Variants in CUX2 observed in about 807,000 individuals in gnomAD.
CUX2 encodes the protein cut like homeobox 2.
Under a neutral mutation model 144.8 loss-of-function variants are expected in CUX2, and 40 were observed. The ratio of observed to expected loss-of-function variants is 0.28; its 90% confidence interval spans 0.21 to 0.36. CUX2 has a LOEUF of 0.36. Among genes scored for constraint, CUX2 ranks in the 10% least tolerant of loss-of-function variants. The pLI is 1.00. For synonymous variants in CUX2, 827 were observed against 875.6 expected (o/e 0.94, Z 0.98); for missense variants, 1,615 against 1,994.0 (o/e 0.81, Z 3.62).
At chr12:111,260,833 A>G (rs1020399209) in intron 3 of CUX2, among the ~76,000 whole-genome samples, 1 of 152,244 alleles carries the variant, frequency 6.6e-6, no homozygotes, top group Non-Finnish European at 1.5e-5. Flanking sequence ...ATTGGAGGCC[A>G]GTGCCTTTCC....
chr12:111,339,817 G>A (rs1406536576), intron 20 of CUX2, among the ~76,000 whole-genome samples: 2 of 152,206 alleles, frequency 1.3e-5, no homozygotes, highest in African/African-American at 4.8e-5. Context: ...CTGTGGTTGA[G>A]AACTTGACCT....
Position 111,156,851 on chromosome 12 carries a change from C to T in CUX2, c.64-57349C>T, listed in dbSNP as rs145956268. ...AATTAGCCAGGAGTGGTGGCGCATG[C>T]CTGTAATCCCTGTAATCCCAGCTAC... On this transcript the variant is annotated intron_variant, in intron 1 of 21. Coordinates refer to ENST00000261726, the MANE Select transcript of CUX2 (RefSeq NM_015267.4). Among the ~76,000 whole-genome samples the T allele has an allele frequency of 8.5e-3, 1,295 of 151,770 alleles. 10 individuals are homozygous for T. The highest frequency in any genetic ancestry group is 0.011 in the Non-Finnish European group (728 of 67,904).
chr12:111,336,506 C>T (rs1160513733), intron 19 of CUX2, among the ~76,000 whole-genome samples: 2 of 151,358 alleles, frequency 1.3e-5, no homozygotes, highest in African/African-American at 2.4e-5. Context: ...GGAGTGCAGT[C>T]GTACGATCTC....
chr12:111,199,384 C>G (rs1016972497), intron 1 of CUX2, among the ~76,000 whole-genome samples: 2 of 152,190 alleles, frequency 1.3e-5, no homozygotes, highest in Admixed American at 6.5e-5. Context: ...CCCCATCTCT[C>G]TAGCTGAAAT....
At chr12:111,223,177 A>G (rs879806541) in intron 3 of CUX2, among the ~76,000 whole-genome samples, 1 of 152,146 alleles carries the variant, frequency 6.6e-6, no homozygotes, top group Non-Finnish European at 1.5e-5. Context: ...AGATCCAAAG[A>G]TGGTGAGACA....
chr12:111,105,864 CTTTT>C (rs1198818010), intron 1 of CUX2, among the ~76,000 whole-genome samples: 5 of 132,350 alleles, frequency 3.8e-5, no homozygotes, highest in Admixed American at 7.6e-5. Flanking sequence ...AATAATGAGT[CTTTT>C]TTTTTTTTTT....
chr12:111,262,454 T>C (rs920874634), intron 3 of CUX2, among the ~76,000 whole-genome samples: 29 of 151,202 alleles, frequency 1.9e-4, no homozygotes, highest in African/African-American at 6.6e-4. Context: ...TCATAGCTCA[T>C]GGCAGCCTCG....
intron 1 of CUX2, among the ~76,000 whole-genome samples, chr12:111,185,680 A>G (rs1255784642): frequency 6.6e-6 from 1 of 152,186 alleles, no homozygotes; most frequent in Non-Finnish European, 1.5e-5. Context: ...CACTCAGTGC[A>G]GCCCCTGAGC....
chr12:111,138,757 C>G (rs914594137), intron 1 of CUX2, among the ~76,000 whole-genome samples: 1 of 152,058 alleles, frequency 6.6e-6, no homozygotes, highest in Admixed American at 6.6e-5. Flanking sequence ...GATGTTCCAT[C>G]CCATCCCACC....
chr12:111,125,559 G>C (rs1361840654), intron 1 of CUX2, among the ~76,000 whole-genome samples: 1 of 152,176 alleles, frequency 6.6e-6, no homozygotes, highest in African/African-American at 2.4e-5. Context: ...ATCCATGTTG[G>C]CACATGGATC....
chr12:111,229,625 G>A (rs1223162640), intron 3 of CUX2, among the ~76,000 whole-genome samples: 1 of 152,114 alleles, frequency 6.6e-6, no homozygotes, highest in African/African-American at 2.4e-5. Flanking sequence ...TGCCTGGCTG[G>A]GTATGGTGGC....
intron 4 of CUX2, among the ~76,000 whole-genome samples, chr12:111,264,516 C>T (rs1049727170): frequency 9.2e-5 from 14 of 152,148 alleles, no homozygotes; most frequent in African/African-American, 3.1e-4. Context: ...GGGCCGATCA[C>T]CTGAGGTCAG....
intron 1 of CUX2, among the ~76,000 whole-genome samples, chr12:111,066,896 T>A (rs1256299762): frequency 6.6e-6 from 1 of 152,150 alleles, no homozygotes; most frequent in Non-Finnish European, 1.5e-5. Context: ...CTGTTAAGGA[T>A]CCAGTGAGAT....
chr12:111,121,388 T>C lies in CUX2; in HGVS notation c.63+87148T>C, dbSNP rs866723013. On this transcript the variant is annotated intron_variant, in intron 1 of 21. Transcript: ENST00000261726. ...TTTTTTCTTTTTTTTTTTTTTTTTT[T>C]TTTTTTGAGACGGATTCTTGCTCTA... Among the ~76,000 whole-genome samples, 923 of 138,176 alleles carry C rather than the reference T, an allele frequency of 6.7e-3. 13 individuals are homozygous for C. Among genetic ancestry groups the C allele is most frequent in the African/African-American group, 0.024 (862 of 36,290 alleles). The allele number at this position is 138,176 out of a possible 152,430, so 90.6% of individuals were successfully genotyped here. A position where few individuals can be genotyped will look rare whatever the true frequency, so the allele number is the denominator to read the frequency against.
At position 111,347,843 on chromosome 12, in the gene CUX2, C is replaced by T. The variant is rs1427959865; in HGVS notation, c.3979C>T (p.Pro1327Ser). 8 of 1,613,900 alleles carry T rather than the reference C, an allele frequency of 5.0e-6. No homozygotes were observed. The South Asian group carries it at 7.7e-5, about 16-fold the overall frequency. The change falls in exon 22 of 22, where the codon CCC becomes TCC. Residue 1327 changes from proline to serine, a missense_variant. Pro to Ser is a moderately conservative substitution (Grantham distance 74). Around this residue, in one of 12 missense-constraint regions of CUX2, gnomAD observed 298 missense variants for 330.4 expected, o/e 0.90. Coordinates refer to ENST00000261726, the MANE Select transcript of CUX2 (RefSeq NM_015267.4). ...AGGGGAGCTGGACAAAGGCCAAGGT[C>T]CCCCCAAAGAGGAGCATCCCGACCC... is the stretch of plus-strand genomic sequence containing the variant. ...DSGELDKGQG[P>S]PKEEHPDPPG... is the part of the protein sequence containing the mutation.
chr12:111,119,651 G>A (rs1300250842), intron 1 of CUX2, among the ~76,000 whole-genome samples: 1 of 152,182 alleles, frequency 6.6e-6, no homozygotes, highest in African/African-American at 2.4e-5. Context: ...TCAAGGGGAG[G>A]ATCCCATGAG....
rs772711257 is a variant in CUX2 at position 111,217,988 on chromosome 12, C to T, written c.222+51C>T. 1.1e-5 allele frequency: 17 copies of T among 1,602,726 alleles called. 1 individual carries two copies. The highest frequency in any genetic ancestry group is 2.0e-4 in the Middle Eastern group (1 of 5,106). On this transcript the variant is annotated intron_variant, in intron 3 of 21. Coordinates refer to ENST00000261726, the MANE Select transcript of CUX2 (RefSeq NM_015267.4). ...CAGAAAAGTGCCCCCAATGGCTCCC[C>T]CTCCTATCCCACCTAGAGTTGCCCA...
intron 1 of CUX2, among the ~76,000 whole-genome samples, chr12:111,155,898 T>A (rs1877338839): frequency 6.6e-6 from 1 of 150,876 alleles, no homozygotes; most frequent in Non-Finnish European, 1.5e-5. Context: ...TTGGAACACA[T>A]CCCTGCCTGA....
chr12:111,118,997 C>T (rs1161784104), intron 1 of CUX2, among the ~76,000 whole-genome samples: 1 of 152,218 alleles, frequency 6.6e-6, no homozygotes, highest in Non-Finnish European at 1.5e-5. Flanking sequence ...AGTTAAATCA[C>T]CCATCTCCTA....
Sources: gnomAD v4.1 joint callset for allele counts (sites outside exome capture counted in the v4.1 genomes callset) on GRCh38, gnomAD v4.1.1 for gene constraint, gnomAD v4.1.1 regional missense constraint, MANE v1.5 for transcripts, NCBI Gene and HGNC (gene_info 2026-07-23, HGNC 2026-07-21) for gene names.